SPTBN1: variants seen among roughly 807,000 people sequenced by gnomAD.
SPTBN1 encodes the protein spectrin beta, non-erythrocytic 1.
SPTBN1 carries 32 observed loss-of-function variants against 266.4 expected under a neutral mutation model. The observed-to-expected ratio is 0.12, with a 90% CI of 0.09 to 0.16. SPTBN1 has a LOEUF of 0.16. Ranked by LOEUF, SPTBN1 falls within the 10% of genes least tolerant of loss-of-function variation. The pLI is 1.00. For missense variants in SPTBN1, 2,296 were observed against 3,067.1 expected, an observed-to-expected ratio of 0.75 and a Z score of 5.94; for synonymous variants, 1,336 against 1,162.2, an observed-to-expected ratio of 1.15 and a Z score of -3.04.
chr2:54,539,351 AT>A (rs1671802444), intron 2 of SPTBN1, among the ~76,000 whole-genome samples: 1 of 152,302 alleles, frequency 6.6e-6, no homozygotes, highest in Non-Finnish European at 1.5e-5. Flanking sequence ...TTTGTGTTTA[AT>A]AATTTTACAT....
chr2:54,630,777 C>G, intron 15 of SPTBN1, 78 bp from the exon 16 acceptor site: 3 of 1,468,638 alleles, frequency 2.0e-6, no homozygotes, highest in Non-Finnish European at 2.7e-6. Context: ...CAGCATTAAC[C>G]CATCACTGTT....
intron 1 of SPTBN1, chr2:54,520,574 A>G (rs962168673): frequency 6.6e-6 from 1 of 152,162 alleles, no homozygotes; most frequent in Non-Finnish European, 1.5e-5. Context: ...ATGTAGGATT[A>G]GAGAAGAGTA....
Position 54,518,831 on chromosome 2 carries a change from G to A in SPTBN1, c.-47-7541G>A, listed in dbSNP as rs557289982. ...TGTGTATATGGGTGTGTGCATATGT[G>A]TAGTGCCAATGAAAATTCCATGTAT... On this transcript the variant is annotated intron_variant, in intron 1 of 35. Coordinates refer to ENST00000356805, the MANE Select transcript of SPTBN1 (RefSeq NM_003128.3). 2.0e-5 allele frequency among the ~76,000 whole-genome samples: 3 copies of A among 152,286 alleles called. No homozygotes were observed. The South Asian group carries it at 6.2e-4, about 32-fold the overall frequency.
chr2:54,647,425 A>G (rs1045385716), intron 24 of SPTBN1, among the ~76,000 whole-genome samples, 164 bp downstream of exon 24: 1 of 152,160 alleles, frequency 6.6e-6, no homozygotes, highest in African/African-American at 2.4e-5. Flanking sequence ...AAAACATCCT[A>G]TCATGATTAG....
intron 1 of SPTBN1, among the ~76,000 whole-genome samples, chr2:54,517,716 G>A (rs1422203062): frequency 6.6e-6 from 1 of 151,168 alleles, no homozygotes; most frequent in Non-Finnish European, 1.5e-5. Context: ...CGCTATCTCA[G>A]CTCACTGCAA....
Position 54,668,274 on chromosome 2 carries a change from C to T in SPTBN1, c.6877-77C>T, listed in dbSNP as rs377422949. On this transcript the variant is annotated intron_variant, in intron 35 of 35. Transcript: ENST00000356805. ...TTACCCCTCAGTTGGCCAGATGCGCCATTCCCAAGCCTTGGAGCCAGAACC... is the reference window on the plus strand; with the variant it reads ...TTACCCCTCAGTTGGCCAGATGCGCTATTCCCAAGCCTTGGAGCCAGAACC... 178 of 1,456,626 alleles carry T rather than the reference C, an allele frequency of 1.2e-4. 2 individuals are homozygous for T. In the African/African-American group the frequency reaches 2.0e-3, roughly 16 times the overall value. 90.2% of individuals were successfully genotyped at this position (1,456,626 alleles called of 1,614,324 possible).
chr2:54,557,328 AG>A (rs984034927), intron 2 of SPTBN1, among the ~76,000 whole-genome samples: 64 of 151,618 alleles, frequency 4.2e-4, no homozygotes, highest in African/African-American at 1.6e-3. Context: ...GTATTGCTGT[AG>A]GGCTCCAAAC....
intron 1 of SPTBN1, among the ~76,000 whole-genome samples, chr2:54,515,423 G>C (rs1036900389): frequency 6.6e-6 from 1 of 152,154 alleles, no homozygotes; most frequent in African/African-American, 2.4e-5. Flanking sequence ...CTGTTGGGTG[G>C]TTACATCTTC....
chr2:54,593,868 C>G (rs1675858950), intron 2 of SPTBN1, among the ~76,000 whole-genome samples: 1 of 114,148 alleles, frequency 8.8e-6, no homozygotes, highest in Non-Finnish European at 1.7e-5. Context: ...AGTCTTAACG[C>G]TGTCGCCCAG....
intron 18 of SPTBN1, among the ~76,000 whole-genome samples, chr2:54,639,621 T>G (rs758654603): frequency 6.6e-6 from 1 of 152,212 alleles, no homozygotes; most frequent in African/African-American, 2.4e-5. Context: ...TAAGTAGACA[T>G]GTATGGGAAA....
At chr2:54,630,767 C>T (rs1678678397) in intron 15 of SPTBN1, 88 bp from the exon 16 acceptor site, 1 of 1,410,294 alleles carries the variant, frequency 7.1e-7, no homozygotes, top group Non-Finnish European at 9.4e-7. Context: ...AACAGATAAG[C>T]AGCATTAACC....
In SPTBN1 at chr2:54,621,416, T is replaced by C; in HGVS notation, c.780T>C (p.His260=). ...LLDPEDISVD[H]PDEKSIITYV... is the part of the protein sequence containing the mutation. Reference sequence around the variant, plus strand: ...GGGTTACAGACATCAGCGTGGACCATCCTGATGAGAAGTCCATAATCACTT... The same window carrying C: ...GGGTTACAGACATCAGCGTGGACCACCCTGATGAGAAGTCCATAATCACTT... Residue 260 remains histidine, a synonymous_variant, in exon 8 of 36, where the codon CAT becomes CAC. Coordinates refer to ENST00000356805, the MANE Select transcript of SPTBN1 (RefSeq NM_003128.3). The C allele has an allele frequency of 1.9e-6, 3 of 1,613,670 alleles. No homozygotes were observed. Among genetic ancestry groups the C allele is most frequent in the Non-Finnish European group, 2.5e-6 (3 of 1,179,616 alleles).
intron 29 of SPTBN1, among the ~76,000 whole-genome samples, chr2:54,657,523 T>C (rs1213165063): frequency 6.6e-6 from 1 of 152,220 alleles, no homozygotes; most frequent in African/African-American, 2.4e-5. Context: ...CAGATTTAGA[T>C]TTAGAAGAAA....
At chr2:54,606,064 G>T (rs1676820736) in intron 3 of SPTBN1, among the ~76,000 whole-genome samples, 1 of 152,216 alleles carries the variant, frequency 6.6e-6, no homozygotes, top group Non-Finnish European at 1.5e-5. Flanking sequence ...AGAGAGAATA[G>T]AGTTGTGGAA....
intron 3 of SPTBN1, among the ~76,000 whole-genome samples, chr2:54,599,741 T>C (rs1231358724): frequency 6.6e-6 from 1 of 152,198 alleles, no homozygotes; most frequent in East Asian, 1.9e-4. Flanking sequence ...GCTGGTGTTT[T>C]GTCATCTCCT....
chr2:54,546,383 A>G (rs1026047020), intron 2 of SPTBN1: 3 of 152,164 alleles, frequency 2.0e-5, no homozygotes, highest in African/African-American at 7.2e-5. Flanking sequence ...AACTTGTCTG[A>G]TATCTGTTAA....
At position 54,587,779 on chromosome 2, in the gene SPTBN1, C is replaced by T. The variant is rs547363081; in HGVS notation, c.149-11313C>T. 2.0e-5 allele frequency among the ~76,000 whole-genome samples: 3 copies of T among 152,132 alleles called. 1 individual carries two copies. The highest frequency in any genetic ancestry group is 7.2e-5 in the African/African-American group (3 of 41,484). On this transcript the variant is annotated intron_variant, in intron 2 of 35. Transcript: ENST00000356805. ...GATTACCATAGTTTGTCCCTCCTGC[C>T]AAATGGGGTGGCACACTCCATCCCG...
Position 54,643,108 on chromosome 2 carries a change from A to G in SPTBN1, c.3984A>G (p.Glu1328=), listed in dbSNP as rs755665301. The G allele has an allele frequency of 3.7e-6, 6 of 1,614,206 alleles. No homozygotes were observed. Among genetic ancestry groups the G allele is most frequent in the Non-Finnish European group, 4.2e-6 (5 of 1,180,026 alleles). Reference sequence around the variant, plus strand: ...TGGCAGAACTTGCATCCAACAAAGAATGGCTTGACAAAATCGAGAAGGTGA... The same window carrying G: ...TGGCAGAACTTGCATCCAACAAAGAGTGGCTTGACAAAATCGAGAAGGTGA... The part of the protein sequence containing the change: ...AFMAELASNK[E]WLDKIEKEGM... Residue 1328 remains glutamate, a synonymous_variant, in exon 19 of 36, where the codon GAA becomes GAG. Coordinates refer to ENST00000356805, the MANE Select transcript of SPTBN1 (RefSeq NM_003128.3).
chr2:54,499,084 C>T (rs1245977770), intron 1 of SPTBN1, among the ~76,000 whole-genome samples: 1 of 152,230 alleles, frequency 6.6e-6, no homozygotes, highest in South Asian at 2.1e-4. Flanking sequence ...GTCCTGAGGC[C>T]CTCACCAGCC....
Sources: gnomAD v4.1 joint callset for allele counts (sites outside exome capture counted in the v4.1 genomes callset) on GRCh38, gnomAD v4.1.1 for gene constraint, MANE v1.5 for transcripts, NCBI Gene and HGNC (gene_info 2026-07-23, HGNC 2026-07-21) for gene names.